The following ZFHX3 variants were observed in gnomAD, a reference collection of about 807,000 sequenced individuals.
The protein encoded by ZFHX3 is zinc finger homeobox 3.
Under a neutral mutation model 279.1 loss-of-function variants are expected in ZFHX3, and 42 were observed. The ratio of observed to expected loss-of-function variants is 0.15; its 90% confidence interval spans 0.12 to 0.19. ZFHX3 has a LOEUF of 0.19. Ranked by LOEUF, ZFHX3 falls within the 10% of genes least tolerant of loss-of-function variation. The probability of loss-of-function intolerance (pLI) is 1.00; values close to 1 mark genes in which losing one functional copy is unlikely to be tolerated. For missense variants in ZFHX3, 4,981 were observed against 4,754.0 expected, an observed-to-expected ratio of 1.05 and a Z score of -1.40; for synonymous variants, 2,293 against 1,957.8, an observed-to-expected ratio of 1.17 and a Z score of -4.52.
At chr16:73,556,913 G>A (rs56841851) in intron 2 of ZFHX3, among the ~76,000 whole-genome samples, 2,149 of 151,904 alleles carry the variant, frequency 0.014, 157 homozygotes, top group Admixed American at 0.11. Flanking sequence ...GGCTCACATG[G>A]TGAAACCCCA....
intron 3 of ZFHX3, among the ~76,000 whole-genome samples, chr16:73,412,326 CAAAAAAAAAAAA>C (rs60447973): frequency 4.3e-5 from 5 of 117,422 alleles, no homozygotes; most frequent in East Asian, 2.7e-4. Context: ...GAGACTGTTT[CAAAAAAAAAAAA>C]AAAAAAAAAA....
At chr16:73,366,605 A>T (rs9928533) in intron 3 of ZFHX3, among the ~76,000 whole-genome samples, 1 of 147,212 alleles carries the variant, frequency 6.8e-6, no homozygotes, top group Non-Finnish European at 1.5e-5. Flanking sequence ...AAAAAAAAAA[A>T]AGAGAGAAAG....
At chr16:73,091,837 G>A (rs1032408037) in intron 8 of ZFHX3, among the ~76,000 whole-genome samples, 7 of 152,164 alleles carry the variant, frequency 4.6e-5, no homozygotes, top group African/African-American at 9.7e-5. Flanking sequence ...ATTTCGAGAC[G>A]CTAGAATGTG....
intron 1 of ZFHX3, among the ~76,000 whole-genome samples, chr16:73,861,050 G>C (rs1961870129): frequency 6.6e-6 from 1 of 151,302 alleles, no homozygotes; most frequent in Non-Finnish European, 1.5e-5. Flanking sequence ...TGCAGCCTTG[G>C]CCTTCTGGGC....
At chr16:73,824,423 T>C (rs1237121675) in intron 1 of ZFHX3, among the ~76,000 whole-genome samples, 8 of 147,014 alleles carry the variant, frequency 5.4e-5, no homozygotes, top group African/African-American at 7.6e-5. Flanking sequence ...TATTATACTT[T>C]AAGTTTTAGG....
intron 3 of ZFHX3, among the ~76,000 whole-genome samples, chr16:73,343,165 G>C (rs1275223550): frequency 6.6e-6 from 1 of 151,710 alleles, no homozygotes; most frequent in African/African-American, 2.4e-5. Flanking sequence ...ATACAGGAAG[G>C]GGAAAGCTAA....
intron 2 of ZFHX3, among the ~76,000 whole-genome samples, chr16:73,568,863 CCCG>C (rs746034454): frequency 1.4e-4 from 21 of 152,006 alleles, no homozygotes; most frequent in Non-Finnish European, 2.9e-4. Context: ...CTCTCCATGC[CCCG>C]CTGTCCGGCT....
At chr16:73,722,760 C>A (rs1341982855) in intron 1 of ZFHX3, among the ~76,000 whole-genome samples, 1 of 152,094 alleles carries the variant, frequency 6.6e-6, no homozygotes, top group Non-Finnish European at 1.5e-5. Flanking sequence ...TATTTTGGTG[C>A]AAACTGGATC....
intron 5 of ZFHX3, among the ~76,000 whole-genome samples, chr16:73,167,148 T>C (rs1460332931): frequency 6.6e-6 from 1 of 152,204 alleles, no homozygotes; most frequent in Non-Finnish European, 1.5e-5. Context: ...ATTGCAAAAT[T>C]GGGGAAAAGA....
At chr16:72,938,768 A>C (rs1476685441) in intron 3 of ZFHX3, among the ~76,000 whole-genome samples, 5 of 152,376 alleles carry the variant, frequency 3.3e-5, no homozygotes, top group African/African-American at 1.2e-4. Flanking sequence ...AAGAGACGGG[A>C]CAGAGGTCAG....
At chr16:73,531,781 C>T (rs1256667584) in intron 2 of ZFHX3, among the ~76,000 whole-genome samples, 1 of 150,014 alleles carries the variant, frequency 6.7e-6, no homozygotes, top group Non-Finnish European at 1.5e-5. Flanking sequence ...TTGCTATGTC[C>T]TACTGATAGA....
intron 2 of ZFHX3, among the ~76,000 whole-genome samples, chr16:73,510,657 G>A (rs2019412830): frequency 6.6e-6 from 1 of 152,224 alleles, no homozygotes; most frequent in Non-Finnish European, 1.5e-5. Context: ...ACTGTGATGT[G>A]AATAGCAGCA....
At chr16:73,055,209 C>T (rs1187439146) in intron 1 of ZFHX3, among the ~76,000 whole-genome samples, 2 of 151,904 alleles carry the variant, frequency 1.3e-5, no homozygotes, top group Non-Finnish European at 2.9e-5. Flanking sequence ...GCTTTGTAAC[C>T]GGATCTAGAG....
At chr16:73,363,576 G>C (rs1015120861) in intron 3 of ZFHX3, among the ~76,000 whole-genome samples, 2 of 151,702 alleles carry the variant, frequency 1.3e-5, no homozygotes, top group African/African-American at 4.8e-5. Flanking sequence ...ATGAGGCAGG[G>C]AATAATGATA....
chr16:73,760,860 G>A (rs774261096), intron 1 of ZFHX3, among the ~76,000 whole-genome samples: 3 of 152,060 alleles, frequency 2.0e-5, no homozygotes, highest in South Asian at 2.1e-4. Context: ...CAAATCCATA[G>A]CCAATATCAT....
chr16:73,732,487 G>T (rs2053577211), intron 1 of ZFHX3, among the ~76,000 whole-genome samples: 1 of 152,186 alleles, frequency 6.6e-6, no homozygotes, highest in Admixed American at 6.5e-5. Context: ...TGCTATTCTG[G>T]TGTTTCATAT....
chr16:73,629,645 A>T (rs1000811759), intron 2 of ZFHX3, among the ~76,000 whole-genome samples: 1 of 147,144 alleles, frequency 6.8e-6, no homozygotes, highest in Non-Finnish European at 1.5e-5. Context: ...ACATGAAGTT[A>T]AAAAAAAAGA....
intron 3 of ZFHX3, among the ~76,000 whole-genome samples, chr16:72,900,644 C>T (rs1216875802): frequency 6.6e-6 from 1 of 152,208 alleles, no homozygotes; most frequent in Non-Finnish European, 1.5e-5. Flanking sequence ...GGTGTTCCAG[C>T]TCAGTGGTTC....
At chr16:73,567,816 G>A (rs1422272012) in intron 2 of ZFHX3, among the ~76,000 whole-genome samples, 1 of 152,104 alleles carries the variant, frequency 6.6e-6, no homozygotes, top group African/African-American at 2.4e-5. Flanking sequence ...TTTCAATAAC[G>A]AGCCTTGAAC....
Sources: allele counts gnomAD v4.1 joint callset (sites outside exome capture counted in the v4.1 genomes callset), GRCh38; gene constraint gnomAD v4.1.1; transcripts MANE v1.5; gene names NCBI Gene and HGNC (gene_info 2026-07-23, HGNC 2026-07-21).